The following DNAH10 variants were observed in gnomAD, a reference collection of about 807,000 sequenced individuals.
The protein encoded by DNAH10 is dynein axonemal heavy chain 10.
In DNAH10, 348 loss-of-function variants were observed where a neutral mutation model predicts 506.6. The observed-to-expected ratio is 0.69, with a 90% CI of 0.63 to 0.75. The LOEUF (loss-of-function observed/expected upper bound fraction) is 0.75. DNAH10 is among the 30% of genes least tolerant of loss of function. DNAH10 has a pLI of 0.00. For missense variants in DNAH10, 5,179 were observed against 5,787.1 expected (o/e 0.89, Z 3.41); for synonymous variants, 2,059 against 2,198.6 (o/e 0.94, Z 1.78).
In DNAH10 at chr12:123,767,687, G is replaced by A. The variant is rs149272124; in HGVS notation, c.296G>A (p.Arg99Gln). 2.2e-5 allele frequency: 36 copies of A among 1,610,366 alleles called. No homozygotes were observed. In the East Asian group the frequency reaches 6.0e-4, roughly 27 times the overall value. The part of the protein sequence containing the change: ...SQKVESVDKV[R>Q]AKRVSLRTES... ...AAAGTGGAGTCCGTGGATAAAGTGC[G>A]AGGTGTGGAGTTGGGAGGGGTCATG... Residue 99 changes from arginine to glutamine, a missense_variant and splice_region_variant, in exon 2 of 79, where the codon CGA becomes CAA. This residue lies in a region of DNAH10 where 326 missense variants were observed against 330.8 expected (regional missense o/e 0.99). Transcript: ENST00000673944.
Position 123,903,117 on chromosome 12 carries a change from A to G in DNAH10, c.9815+4A>G. ...AGTCGGACGTGACTGAGATTAGGTA[A>G]TGCACCTGAGCCACCATTCTGGGCT... On this transcript the variant is annotated splice_donor_region_variant and intron_variant, in intron 57 of 78. Coordinates refer to ENST00000673944, the MANE Select transcript of DNAH10 (RefSeq NM_001372106.1). This position sits in a 1 kb window ranked among gnomAD's most constrained non-coding sequence, Gnocchi z 4.6. 1 of 1,605,578 alleles carries G rather than the reference A, an allele frequency of 6.2e-7. No homozygotes were observed. The highest frequency in any genetic ancestry group is 2.2e-5 in the East Asian group (1 of 44,544).
At chr12:123,825,559 T>C (rs2136453365) in intron 24 of DNAH10, among the ~76,000 whole-genome samples, 1 of 152,320 alleles carries the variant, frequency 6.6e-6, no homozygotes, top group South Asian at 2.1e-4. Context: ...ATGCATATTG[T>C]ATTATTCCAT....
intron 34 of DNAH10, 99 bp downstream of exon 34, chr12:123,848,981 T>C (rs760798958): frequency 8.6e-6 from 12 of 1,388,630 alleles, no homozygotes; most frequent in Non-Finnish European, 1.1e-5. Flanking sequence ...CCGTTGACAC[T>C]CCAGACCAGG....
chr12:123,898,789 G>A lies in DNAH10; in HGVS notation c.9615G>A (p.Glu3205=), dbSNP rs766126025. ...EKSAACEALL[E]EIAVNTAVAE... is the part of the protein sequence containing the mutation. ...CCGCCGCCTGCGAGGCCTTGCTGGA[G>A]GAGATCGCCGTCAACACCGCTGTAG... is the stretch of plus-strand genomic sequence containing the variant. Residue 3205 remains glutamate (E), a synonymous_variant, in exon 56 of 79, where the codon GAG becomes GAA. Coordinates refer to ENST00000673944, the MANE Select transcript of DNAH10 (RefSeq NM_001372106.1). The A allele has an allele frequency of 6.2e-7, 1 of 1,611,424 alleles. No individual in the cohort carries two copies. Among genetic ancestry groups the A allele is most frequent in the Non-Finnish European group, 8.5e-7 (1 of 1,178,970 alleles).
Position 123,814,594 on chromosome 12 carries a change from C to T in DNAH10, c.3780+682C>T, listed in dbSNP as rs1188044888. On this transcript the variant is annotated intron_variant, in intron 21 of 78. Transcript: ENST00000673944. ...TTTCTCTTCTCTAGTTTGTATTTCTCCCTTGGCCAGGTAGATTTTTTTTTT... is the reference window on the plus strand; with the variant it reads ...TTTCTCTTCTCTAGTTTGTATTTCTTCCTTGGCCAGGTAGATTTTTTTTTT... Among the ~76,000 whole-genome samples, 6 of 150,768 alleles carry T rather than the reference C, an allele frequency of 4.0e-5. No individual in the cohort carries two copies. The East Asian group carries it at 7.7e-4, about 19-fold the overall frequency.
At chr12:123,776,462 T>A (rs1468690997) in intron 5 of DNAH10, among the ~76,000 whole-genome samples, 1 of 151,462 alleles carries the variant, frequency 6.6e-6, no homozygotes, top group African/African-American at 2.4e-5. Context: ...CTCTTAGGAT[T>A]TGGGCCTGAG....
At chr12:123,838,066 T>C (rs1961361318) in intron 28 of DNAH10, among the ~76,000 whole-genome samples, 1 of 152,190 alleles carries the variant, frequency 6.6e-6, no homozygotes, top group African/African-American at 2.4e-5. Flanking sequence ...ATTCTGTATA[T>C]ACAAATTGCT....
chr12:123,933,391 C>G lies in DNAH10; in HGVS notation c.13357C>G (p.Leu4453Val), dbSNP rs757735720. Residue 4453 changes from leucine to valine, a missense_variant, in exon 77 of 79, where the codon CTC becomes GTC. Around this residue, in one of 3 missense-constraint regions of DNAH10, gnomAD observed 4,844 missense variants for 5,430.5 expected, o/e 0.89. Transcript: ENST00000673944. Reference protein sequence around the residue: ...LSGLHIPESYLTALVQATCRK... With the variant: ...LSGLHIPESYVTALVQATCRK... ...GGGGCTGCACATCCCTGAGTCCTACCTCACGGCGCTGGTGCAGGCCACCTG... is the reference window on the plus strand; with the variant it reads ...GGGGCTGCACATCCCTGAGTCCTACGTCACGGCGCTGGTGCAGGCCACCTG... 10 of 1,611,528 alleles carry G rather than the reference C, an allele frequency of 6.2e-6. No homozygotes were observed. In the South Asian group the frequency reaches 7.7e-5, roughly 12 times the overall value.
intron 57 of DNAH10, chr12:123,908,341 T>C: frequency 2.2e-6 from 1 of 456,004 alleles, no homozygotes; most frequent in Non-Finnish European, 4.4e-6. Context: ...CACCCCAGCC[T>C]CCTACCAGAG....
At chr12:123,821,890 G>A (rs898462295) in intron 24 of DNAH10, among the ~76,000 whole-genome samples, 13 of 150,948 alleles carry the variant, frequency 8.6e-5, no homozygotes, top group Admixed American at 2.6e-4. Context: ...GCAACAAGGC[G>A]AAACCCCGTT....
At chr12:123,836,349 T>G (rs1961126736) in intron 28 of DNAH10, among the ~76,000 whole-genome samples, 1 of 152,252 alleles carries the variant, frequency 6.6e-6, no homozygotes, top group Non-Finnish European at 1.5e-5. Flanking sequence ...TCTCCAGTAA[T>G]TTGACATTTT....
chr12:123,917,684 C>A lies in DNAH10; in HGVS notation c.11103C>A (p.Ser3701Arg). The part of the protein sequence containing the change: ...EQREHLIQET[S>R]ENKNLLKDLE... Reference sequence around the variant, plus strand: ...GGGAGCACCTCATCCAGGAGACCAGCGAGAACAAGAACCTGCTCAAGGACC... The same window carrying A: ...GGGAGCACCTCATCCAGGAGACCAGAGAGAACAAGAACCTGCTCAAGGACC... Residue 3701 changes from serine to arginine, a missense_variant, in exon 64 of 79, where the codon AGC becomes AGA. By Grantham distance (110) the Ser-to-Arg change is moderately radical. Around this residue, in one of 3 missense-constraint regions of DNAH10, gnomAD observed 4,844 missense variants for 5,430.5 expected, o/e 0.89. Coordinates refer to ENST00000673944, the MANE Select transcript of DNAH10 (RefSeq NM_001372106.1). This position sits in a 1 kb window ranked among gnomAD's most constrained non-coding sequence, Gnocchi z 5.6. The A allele has an allele frequency of 6.4e-7, 1 of 1,553,788 alleles. No individual in the cohort carries two copies. Among genetic ancestry groups the A allele is most frequent in the Non-Finnish European group, 8.7e-7 (1 of 1,148,336 alleles).
Position 123,923,826 on chromosome 12 carries a change from A to G in DNAH10, c.11570A>G (p.Glu3857Gly). The change falls in exon 66 of 79, where the codon GAA becomes GGA. Residue 3857 changes from glutamate (E) to glycine (G), a missense_variant. Around this residue, in one of 3 missense-constraint regions of DNAH10, gnomAD observed 4,844 missense variants for 5,430.5 expected, o/e 0.89. Transcript: ENST00000673944. ...ATGACCATCAAGATAGAACAAGCAG[A>G]AGGGAGAGTCCCTCAAGAAGAACTA... The part of the protein sequence containing the change: ...FNMTIKIEQA[E>G]GRVPQEELDF... The G allele has an allele frequency of 6.2e-7, 1 of 1,612,492 alleles. No individual in the cohort carries two copies.
In DNAH10 at chr12:123,774,204, A is replaced by G. The variant is rs749495763; in HGVS notation, c.561A>G (p.Thr187=). The G allele has an allele frequency of 1.1e-5, 18 of 1,611,992 alleles. No homozygotes were observed. The East Asian group carries it at 2.0e-4, about 18-fold the overall frequency. Residue 187 remains threonine (T), a synonymous_variant, in exon 5 of 79, where the codon ACA becomes ACG. Coordinates refer to ENST00000673944, the MANE Select transcript of DNAH10 (RefSeq NM_001372106.1). The part of the protein sequence containing the change: ...MKEAMEIMPE[T]LEYGIINANV... The stretch of plus-strand genomic sequence containing the variant: ...AAGCTATGGAAATTATGCCAGAAAC[A>G]CTGGAGTATGGAATTATAAACGCTA...
chr12:123,762,584 T>C lies in DNAH10; in HGVS notation c.214+34T>C. 1 of 1,501,988 alleles carries C rather than the reference T, an allele frequency of 6.7e-7. No homozygotes were observed. The highest frequency in any genetic ancestry group is 1.4e-5 in the African/African-American group (1 of 71,326). 93.0% of individuals were successfully genotyped at this position (1,501,988 alleles called of 1,614,324 possible). A position where few individuals can be genotyped will look rare whatever the true frequency, so the allele number is the denominator to read the frequency against. On this transcript the variant is annotated intron_variant, in intron 1 of 78. Transcript: ENST00000673944. The surrounding 1 kb of genome is among the most constrained non-coding windows in gnomAD (Gnocchi z 5.0). ...CGACGCGCCGCTCCCTTCCCCGGGC[T>C]TCCCTCCTGCCCGTCCCGGCCTCTC...
At position 123,913,229 on chromosome 12, in the gene DNAH10, G is replaced by T; in HGVS notation, c.10266G>T (p.Gln3422His). Residue 3422 changes from glutamine (Q) to histidine (H), a missense_variant, in exon 60 of 79, where the codon CAG (glutamine) becomes CAT (histidine). Gln to His is a conservative substitution (Grantham distance 24, BLOSUM62 0). This residue lies in a region of DNAH10 where 4,844 missense variants were observed against 5,430.5 expected (regional missense o/e 0.89). Transcript: ENST00000673944. This position sits in a 1 kb window ranked among gnomAD's most constrained non-coding sequence, Gnocchi z 5.1. Reference protein sequence around the residue: ...AKYEAAILEKQKLQEEAEIME... With the variant: ...AKYEAAILEKHKLQEEAEIME... The stretch of plus-strand genomic sequence containing the variant: ...ATGAGGCCGCCATACTGGAAAAGCA[G>T]AAGCTGCAGGAAGAAGCCGAGATCA... The T allele has an allele frequency of 6.2e-7, 1 of 1,609,746 alleles. No individual in the cohort carries two copies. The highest frequency in any genetic ancestry group is 8.5e-7 in the Non-Finnish European group (1 of 1,178,254).
chr12:123,783,813 G>A (rs2136031351), intron 7 of DNAH10, 134 bp from the exon 8 acceptor site: 1 of 761,382 alleles, frequency 1.3e-6, no homozygotes, highest in East Asian at 2.7e-5. Flanking sequence ...ACCACCCAGG[G>A]TCAAGAGCCC....
rs556288127 is a variant in DNAH10, at chr12:123,807,004, G to A, written c.2988-1793G>A. Among the ~76,000 whole-genome samples the A allele has an allele frequency of 2.0e-5, 3 of 152,210 alleles. No homozygotes were observed. In the East Asian group the frequency reaches 5.8e-4, roughly 29 times the overall value. On this transcript the variant is annotated intron_variant, in intron 18 of 78. Coordinates refer to ENST00000673944, the MANE Select transcript of DNAH10 (RefSeq NM_001372106.1). ...AGGATGGTTTCAATGTCCTGACCTCGTGATCTGCCTGCCTTGGCCTCCCAA... is the reference window on the plus strand; with the variant it reads ...AGGATGGTTTCAATGTCCTGACCTCATGATCTGCCTGCCTTGGCCTCCCAA...
rs1361943207 is a variant in DNAH10 at position 123,916,509 on chromosome 12, A to G, written c.10775A>G (p.Lys3592Arg). 7.4e-6 allele frequency: 12 copies of G among 1,613,818 alleles called. No individual in the cohort carries two copies. Among genetic ancestry groups the G allele is most frequent in the Non-Finnish European group, 1.0e-5 (12 of 1,179,832 alleles). ...DFLKQLEMSI[K>R]YGTPFLFRDV... The stretch of plus-strand genomic sequence containing the variant: ...CTCAAGCAGCTAGAGATGTCCATAA[A>G]GTACGGGACCCCTTTCCTGTTCCGC... Residue 3592 changes from lysine (K) to arginine (R), a missense_variant, in exon 63 of 79, where the codon AAG becomes AGG. Physicochemically the swap from Lys to Arg is conservative, Grantham distance 26 (BLOSUM62 2). Transcript: ENST00000673944. This position sits in a 1 kb window ranked among gnomAD's most constrained non-coding sequence, Gnocchi z 4.6.
Sources: allele counts gnomAD v4.1 joint callset (sites outside exome capture counted in the v4.1 genomes callset), GRCh38; gene constraint gnomAD v4.1.1; regional missense constraint gnomAD v4.1.1; non-coding constraint Gnocchi (gnomAD v3.1); transcripts MANE v1.5; gene names NCBI Gene and HGNC (gene_info 2026-07-23, HGNC 2026-07-21).